Variants in NKAIN2 observed in about 807,000 individuals in gnomAD.
NKAIN2 encodes the protein sodium/potassium transporting ATPase interacting 2.
Under a neutral mutation model 32.6 loss-of-function variants are expected in NKAIN2, and 14 were observed. The ratio of observed to expected loss-of-function variants is 0.43; its 90% confidence interval spans 0.28 to 0.67. The LOEUF is 0.67. Among genes scored for constraint, NKAIN2 ranks in the 30% least tolerant of loss-of-function variants. The probability of loss-of-function intolerance (pLI) is 0.17; values close to 1 mark genes in which losing one functional copy is unlikely to be tolerated. For synonymous variants in NKAIN2, 80 were observed against 87.2 expected, an observed-to-expected ratio of 0.92 and a Z score of 0.46; for missense variants, 198 against 258.3, an observed-to-expected ratio of 0.77 and a Z score of 1.60.
intron 3 of NKAIN2, among the ~76,000 whole-genome samples, chr6:124,531,781 G>A (rs576798338): frequency 3.9e-4 from 59 of 152,184 alleles, no homozygotes; most frequent in African/African-American, 1.2e-3. Flanking sequence ...AGCGATTCTC[G>A]TGCCTTGGCC....
At chr6:124,041,477 T>A (rs561531229) in intron 1 of NKAIN2, among the ~76,000 whole-genome samples, 1 of 152,192 alleles carries the variant, frequency 6.6e-6, no homozygotes, top group South Asian at 2.1e-4. Flanking sequence ...ATTATTCAGT[T>A]TTTTAGCACT....
chr6:124,662,815 T>C (rs1784796182), intron 4 of NKAIN2, among the ~76,000 whole-genome samples: 1 of 152,252 alleles, frequency 6.6e-6, no homozygotes, highest in Non-Finnish European at 1.5e-5. Flanking sequence ...TGCTGTTTGA[T>C]GCCTCTTTTA....
intron 1 of NKAIN2, among the ~76,000 whole-genome samples, chr6:124,250,278 CTG>C (rs1264598817): frequency 6.6e-6 from 1 of 152,210 alleles, no homozygotes; most frequent in East Asian, 1.9e-4. Context: ...GCTGCTCAGT[CTG>C]TGATATTTTG....
chr6:124,518,593 G>A (rs139893766), intron 3 of NKAIN2, among the ~76,000 whole-genome samples: 1 of 152,092 alleles, frequency 6.6e-6, no homozygotes, highest in East Asian at 1.9e-4. Context: ...ACTCACCATT[G>A]CAAAGATAGT....
intron 6 of NKAIN2, among the ~76,000 whole-genome samples, chr6:124,822,370 C>G (rs971172057): frequency 6.6e-6 from 1 of 152,192 alleles, no homozygotes; most frequent in African/African-American, 2.4e-5. Flanking sequence ...GGGGCCAGTC[C>G]AAACACCCTA....
intron 3 of NKAIN2, among the ~76,000 whole-genome samples, chr6:124,605,840 T>C (rs1235215221): frequency 6.6e-6 from 1 of 152,048 alleles, no homozygotes; most frequent in Admixed American, 6.6e-5. Context: ...ACAATGTTTG[T>C]ACTGTATCTG....
At chr6:124,509,092 T>G (rs565773945) in intron 3 of NKAIN2, among the ~76,000 whole-genome samples, 1 of 152,302 alleles carries the variant, frequency 6.6e-6, no homozygotes, top group South Asian at 2.1e-4. Flanking sequence ...ACAGTTATCT[T>G]TAAGTCAAGG....
intron 2 of NKAIN2, among the ~76,000 whole-genome samples, chr6:124,297,514 GC>G (rs1796106521): frequency 6.6e-6 from 1 of 151,848 alleles, no homozygotes; most frequent in Non-Finnish European, 1.5e-5. Context: ...GTGGAAACTG[GC>G]CCCCCTGCCC....
chr6:124,134,328 C>A (rs1264449340), intron 1 of NKAIN2, among the ~76,000 whole-genome samples: 1 of 151,946 alleles, frequency 6.6e-6, no homozygotes, highest in Admixed American at 6.6e-5. Flanking sequence ...TCAACTAACC[C>A]CATCAGACAA....
intron 3 of NKAIN2, among the ~76,000 whole-genome samples, chr6:124,388,447 G>A (rs1239127118): frequency 6.6e-6 from 1 of 151,390 alleles, no homozygotes; most frequent in East Asian, 1.9e-4. Flanking sequence ...TAATGCTGAT[G>A]CTGCTGGCCC....
intron 3 of NKAIN2, among the ~76,000 whole-genome samples, chr6:124,408,609 A>G (rs1450288182): frequency 1.3e-5 from 2 of 152,180 alleles, no homozygotes; most frequent in Non-Finnish European, 2.9e-5. Flanking sequence ...GCCTTGTAGT[A>G]AAGTTTGAAG....
intron 4 of NKAIN2, among the ~76,000 whole-genome samples, chr6:124,741,707 T>A (rs1234767453): frequency 6.6e-6 from 1 of 151,920 alleles, no homozygotes; most frequent in East Asian, 1.9e-4. Flanking sequence ...TATTGCAATT[T>A]GTGAAGGCAA....
intron 5 of NKAIN2, among the ~76,000 whole-genome samples, chr6:124,817,551 G>A (rs1429746730): frequency 1.3e-5 from 2 of 152,104 alleles, no homozygotes; most frequent in African/African-American, 4.8e-5. Flanking sequence ...AAAAGTGCAT[G>A]ACACTTTTAT....
intron 2 of NKAIN2, among the ~76,000 whole-genome samples, chr6:124,318,286 T>C (rs1797043117): frequency 1.3e-5 from 2 of 152,060 alleles, no homozygotes; most frequent in African/African-American, 4.8e-5. Context: ...TTTTGAAATT[T>C]TGTCAAACTT....
intron 2 of NKAIN2, among the ~76,000 whole-genome samples, chr6:124,350,800 T>C (rs1313109595): frequency 6.6e-6 from 1 of 152,200 alleles, no homozygotes; most frequent in Non-Finnish European, 1.5e-5. Context: ...TATATTCTAC[T>C]CCAAAGTAAT....
chr6:124,445,920 G>A (rs542972073), intron 3 of NKAIN2, among the ~76,000 whole-genome samples: 1 of 152,158 alleles, frequency 6.6e-6, no homozygotes, highest in South Asian at 2.1e-4. Context: ...TGTATATATA[G>A]TACATATTTG....
chr6:124,066,607 A>G (rs1259612828), intron 1 of NKAIN2, among the ~76,000 whole-genome samples: 1 of 152,216 alleles, frequency 6.6e-6, no homozygotes, highest in Non-Finnish European at 1.5e-5. Flanking sequence ...TCAGCAATAA[A>G]TAGGTCCTGA....
At chr6:124,556,666 A>G (rs1048856727) in intron 3 of NKAIN2, among the ~76,000 whole-genome samples, 1 of 152,232 alleles carries the variant, frequency 6.6e-6, no homozygotes, top group Non-Finnish European at 1.5e-5. Context: ...CTAAAGCAGC[A>G]GAAAACAGAC....
chr6:123,831,648 AGTTTTTTTTTTT>A (rs978746998), intron 1 of NKAIN2, among the ~76,000 whole-genome samples: 9 of 132,566 alleles, frequency 6.8e-5, no homozygotes, highest in Non-Finnish European at 8.2e-5. Flanking sequence ...CCTTTGTTAC[AGTTTTTTTTTTT>A]GTTTTTTTTT....
Sources: allele counts gnomAD v4.1 joint callset (sites outside exome capture counted in the v4.1 genomes callset), GRCh38; gene constraint gnomAD v4.1.1; transcripts MANE v1.5; gene names NCBI Gene and HGNC (gene_info 2026-07-23, HGNC 2026-07-21).